The following SEZ6L variants were observed in gnomAD, a reference collection of about 807,000 sequenced individuals.
SEZ6L encodes the protein seizure related 6 homolog like, also known as seizure 6-like protein.
In SEZ6L, 37 loss-of-function variants were observed where a neutral mutation model predicts 106.2. That is an observed-to-expected ratio of 0.35 (90% CI 0.27 to 0.46). The LOEUF (loss-of-function observed/expected upper bound fraction) is 0.46. Ranked by LOEUF, SEZ6L falls within the 20% of genes least tolerant of loss-of-function variation. SEZ6L has a pLI of 1.00. For missense variants in SEZ6L, 1,172 were observed against 1,332.8 expected (o/e 0.88, Z 1.88); for synonymous variants, 541 against 570.4 (o/e 0.95, Z 0.73).
At chr22:26,251,373 A>G (rs950163124) in intron 1 of SEZ6L, among the ~76,000 whole-genome samples, 5 of 150,392 alleles carry the variant, frequency 3.3e-5, no homozygotes, top group African/African-American at 9.9e-5. Context: ...TGGATGTTGA[A>G]TTTCATTAAA....
At chr22:26,347,654 C>T (rs1294833664) in intron 10 of SEZ6L, 65 bp from the exon 11 acceptor site, 30 of 1,397,698 alleles carry the variant, frequency 2.1e-5, no homozygotes, top group Non-Finnish European at 2.7e-5. Context: ...CTCTAGCCGT[C>T]ATAAAAGGAG....
intron 1 of SEZ6L, among the ~76,000 whole-genome samples, chr22:26,171,099 TC>T (rs1248719001): frequency 2.0e-5 from 3 of 152,004 alleles, no homozygotes; most frequent in African/African-American, 7.2e-5. Flanking sequence ...ATCCCCCATC[TC>T]CCCGTCTTTT....
intron 1 of SEZ6L, among the ~76,000 whole-genome samples, chr22:26,193,927 A>G: frequency 6.6e-6 from 1 of 152,224 alleles, no homozygotes; most frequent in East Asian, 1.9e-4. Context: ...CAAGAGACTT[A>G]GAGGCTGGGG....
chr22:26,186,906 T>G (rs1939821011), intron 1 of SEZ6L, among the ~76,000 whole-genome samples: 1 of 152,138 alleles, frequency 6.6e-6, no homozygotes. Context: ...TTGGGTTGGA[T>G]AATGCTGTCT....
chr22:26,329,786 G>A (rs1246083871), intron 9 of SEZ6L, among the ~76,000 whole-genome samples: 1 of 152,184 alleles, frequency 6.6e-6, no homozygotes, highest in Admixed American at 6.5e-5. Flanking sequence ...CTGACCACCT[G>A]ACTGTGTGGG....
chr22:26,218,937 C>T (rs1569390705), intron 1 of SEZ6L, among the ~76,000 whole-genome samples: 1 of 145,062 alleles, frequency 6.9e-6, no homozygotes, highest in African/African-American at 2.6e-5. Context: ...GACTCTGTCT[C>T]AAAAAAAAAG....
chr22:26,212,844 GCAAATGGTGGCCATGCAT>G, intron 1 of SEZ6L, among the ~76,000 whole-genome samples: 1 of 152,330 alleles, frequency 6.6e-6, no homozygotes, highest in East Asian at 1.9e-4. Context: ...GAATAAGACT[GCAAATGGTGGCCATGCAT>G]CAATCAGAGT....
At chr22:26,282,367 G>C (rs1470417653) in intron 1 of SEZ6L, among the ~76,000 whole-genome samples, 1 of 152,164 alleles carries the variant, frequency 6.6e-6, no homozygotes, top group Non-Finnish European at 1.5e-5. Context: ...TGACCACAAA[G>C]GTCTCTCAGC....
In SEZ6L at chr22:26,382,135, C is replaced by A; in HGVS notation, c.*1840C>A. On this transcript the variant is annotated 3_prime_UTR_variant, in exon 17 of 17. Transcript: ENST00000248933. Reference sequence around the variant, plus strand: ...GAAGGCATGAGTGTGTGGTCCATGGCAAGAAATAGCTAAAGGCTGCTTTCC... The same window carrying A: ...GAAGGCATGAGTGTGTGGTCCATGGAAAGAAATAGCTAAAGGCTGCTTTCC... 3 of 479,956 alleles carry A rather than the reference C, an allele frequency of 6.3e-6. No homozygotes were observed. The highest frequency in any genetic ancestry group is 1.5e-5 in the South Asian group (1 of 64,720). 29.7% of individuals were successfully genotyped at this position (479,956 alleles called of 1,614,324 possible). A position where few individuals can be genotyped will look rare whatever the true frequency, so the allele number is the denominator to read the frequency against.
At chr22:26,327,088 C>T (rs368310643) in intron 9 of SEZ6L, among the ~76,000 whole-genome samples, 2 of 152,082 alleles carry the variant, frequency 1.3e-5, no homozygotes, top group East Asian at 1.9e-4. Flanking sequence ...TGGCAGGAAG[C>T]GGCGACCCCA....
intron 3 of SEZ6L, among the ~76,000 whole-genome samples, chr22:26,296,179 C>T (rs1182204918): frequency 2.6e-5 from 4 of 152,130 alleles, no homozygotes; most frequent in East Asian, 1.9e-4. Context: ...TAAAGTATCT[C>T]GCTTCTTTCT....
In SEZ6L at chr22:26,169,485, A is replaced by T; in HGVS notation, c.-185A>T. On this transcript the variant is annotated 5_prime_UTR_variant, in exon 1 of 17. Transcript: ENST00000248933. ...TCACTCGCCCGCCCGCGCCCGGCGC[A>T]GCTCGGCCAGAGCGACCGCGGGGCT... 1 of 331,432 alleles carries T rather than the reference A, an allele frequency of 3.0e-6. No homozygotes were observed. The highest frequency in any genetic ancestry group is 4.7e-5 in the East Asian group (1 of 21,402). The allele number at this position is 331,432 out of a possible 1,614,324, so 20.5% of individuals were successfully genotyped here. A position where few individuals can be genotyped will look rare whatever the true frequency, so the allele number is the denominator to read the frequency against.
At chr22:26,175,868 C>T (rs1014504885) in intron 1 of SEZ6L, among the ~76,000 whole-genome samples, 3 of 152,230 alleles carry the variant, frequency 2.0e-5, no homozygotes, top group African/African-American at 7.2e-5. Context: ...CCACATTCAT[C>T]AAGCTGTCCT....
intron 1 of SEZ6L, among the ~76,000 whole-genome samples, chr22:26,191,291 C>A (rs146466350): frequency 6.6e-6 from 1 of 152,206 alleles, no homozygotes; most frequent in Non-Finnish European, 1.5e-5. Flanking sequence ...CATGTGTATG[C>A]TCAATGCAGC....
chr22:26,277,607 C>A (rs2080594491), intron 1 of SEZ6L, among the ~76,000 whole-genome samples: 1 of 152,196 alleles, frequency 6.6e-6, no homozygotes, highest in Admixed American at 6.6e-5. Context: ...CAAGGATTAA[C>A]CTTTGTGATA....
intron 1 of SEZ6L, among the ~76,000 whole-genome samples, chr22:26,212,153 G>T (rs1405247289): frequency 6.6e-6 from 1 of 152,188 alleles, no homozygotes; most frequent in African/African-American, 2.4e-5. Context: ...TAAGGAATTA[G>T]AAGCGGGTCA....
intron 1 of SEZ6L, among the ~76,000 whole-genome samples, chr22:26,268,788 C>T (rs529452692): frequency 3.9e-5 from 6 of 152,324 alleles, no homozygotes; most frequent in African/African-American, 1.4e-4. Context: ...TTTCTCCCGA[C>T]ATTGCCAAAT....
chr22:26,296,640 C>T (rs924501891), intron 3 of SEZ6L, among the ~76,000 whole-genome samples: 1 of 152,258 alleles, frequency 6.6e-6, no homozygotes. Flanking sequence ...GGGGGCCTCA[C>T]ATTGCAAGTC....
chr22:26,225,051 A>G (rs1379664063), intron 1 of SEZ6L, among the ~76,000 whole-genome samples: 1 of 152,354 alleles, frequency 6.6e-6, no homozygotes, highest in South Asian at 2.1e-4. Flanking sequence ...GAAAAAAATC[A>G]ATGTTTGAAG....
Sources: gnomAD v4.1 joint callset for allele counts (sites outside exome capture counted in the v4.1 genomes callset) on GRCh38, gnomAD v4.1.1 for gene constraint, MANE v1.5 for transcripts, NCBI Gene and HGNC (gene_info 2026-07-23, HGNC 2026-07-21) for gene names.